The following ZFAT variants were observed in gnomAD, a reference collection of about 807,000 sequenced individuals.
ZFAT encodes the protein zinc finger and AT-hook domain containing, also known as zinc finger protein ZFAT.
A neutral mutation model predicts 117.7 loss-of-function variants in ZFAT; 64 were observed. That is an observed-to-expected ratio of 0.54 (90% CI 0.44 to 0.67). The LOEUF is 0.67. Ranked by LOEUF, ZFAT falls within the 30% of genes least tolerant of loss-of-function variation. The pLI is 0.00. For missense variants in ZFAT, 1,433 were observed against 1,584.5 expected, an observed-to-expected ratio of 0.90 and a Z score of 1.62; for synonymous variants, 679 against 615.0, an observed-to-expected ratio of 1.10 and a Z score of -1.54.
Position 134,610,747 on chromosome 8 carries a change from G to A in ZFAT, c.449-92C>T. ...ACTACTCTTTCACGGGACAGTAAAG[G>A]AAACACAGCTCTTTGGTCTGCAGTG... On this transcript the variant is annotated intron_variant, in intron 3 of 15. Coordinates refer to ENST00000377838, the MANE Select transcript of ZFAT (RefSeq NM_020863.4). 9 of 1,453,832 alleles carry A rather than the reference G, an allele frequency of 6.2e-6. No individual in the cohort carries two copies. The South Asian group carries it at 9.3e-5, about 15-fold the overall frequency. The allele number at this position is 1,453,832 out of a possible 1,614,324, so 90.1% of individuals were successfully genotyped here.
At chr8:134,593,301 G>A (rs891730264) in intron 7 of ZFAT, among the ~76,000 whole-genome samples, 1 of 149,826 alleles carries the variant, frequency 6.7e-6, no homozygotes, top group African/African-American at 2.4e-5. Context: ...CTTATTTTTT[G>A]ATGCCTTTGA....
chr8:134,680,427 A>G (rs898847404), intron 1 of ZFAT, among the ~76,000 whole-genome samples: 1 of 152,202 alleles, frequency 6.6e-6, no homozygotes, highest in Non-Finnish European at 1.5e-5. Flanking sequence ...TACAATTTTC[A>G]GTACAAATAA....
intron 2 of ZFAT, among the ~76,000 whole-genome samples, chr8:134,649,160 A>G (rs1044804730): frequency 1.0e-5 from 1 of 100,408 alleles, no homozygotes; most frequent in African/African-American, 5.1e-5. Context: ...AAGAACATCT[A>G]TCTCTCACAC....
At chr8:134,627,140 A>G (rs565028928) in intron 3 of ZFAT, among the ~76,000 whole-genome samples, 1 of 152,288 alleles carries the variant, frequency 6.6e-6, no homozygotes, top group Admixed American at 6.5e-5. Context: ...AGGGAAAGCC[A>G]CGGGAGGCCC....
At chr8:134,817,869 C>A in the ZFAT span, among the ~76,000 whole-genome samples, 1 of 152,236 alleles carries the variant, frequency 6.6e-6, no homozygotes, top group East Asian at 1.9e-4. Context: ...AATAGAACTA[C>A]TACATATATA....
chr8:134,543,276 C>G (rs373576544), intron 11 of ZFAT, among the ~76,000 whole-genome samples: 5 of 150,602 alleles, frequency 3.3e-5, no homozygotes, highest in African/African-American at 1.2e-4. Context: ...GATAGTCAGC[C>G]GGGCACATGC....
chr8:134,697,488 G>A (rs1463671959), intron 1 of ZFAT, among the ~76,000 whole-genome samples: 3 of 149,440 alleles, frequency 2.0e-5, no homozygotes. Flanking sequence ...AGCACTTTGG[G>A]AGGCCGAGGT....
the ZFAT span, among the ~76,000 whole-genome samples, chr8:134,787,598 C>T: frequency 6.6e-6 from 1 of 152,192 alleles, no homozygotes. Flanking sequence ...CTTTTATAAT[C>T]ACAGGTCTTA....
chr8:134,528,071 G>T (rs139010996), intron 12 of ZFAT, among the ~76,000 whole-genome samples: 1 of 150,688 alleles, frequency 6.6e-6, no homozygotes, highest in Non-Finnish European at 1.5e-5. Context: ...AGATGACCAC[G>T]CCTCTTCCTT....
chr8:134,653,270 T>TAAAAAAAAAA (rs374514584), intron 2 of ZFAT, among the ~76,000 whole-genome samples: 2 of 91,888 alleles, frequency 2.2e-5, no homozygotes, highest in Admixed American at 1.2e-4. Flanking sequence ...ATGTCTTTTT[T>TAAAAAAAAAA]AAAAAAAAAA....
chr8:134,713,936 CAGTT>C (rs760615796), upstream of ZFAT, among the ~76,000 whole-genome samples: 19 of 152,116 alleles, frequency 1.2e-4, no homozygotes, highest in South Asian at 4.1e-4. Flanking sequence ...CTGAGCCTGA[CAGTT>C]ATTTATTTCA....
intron 1 of ZFAT, among the ~76,000 whole-genome samples, chr8:134,710,987 G>A (rs1483788190): frequency 2.0e-5 from 3 of 152,160 alleles, no homozygotes; most frequent in Non-Finnish European, 2.9e-5. Flanking sequence ...GTACCTAAGC[G>A]GCACAGCAGC....
chr8:134,702,160 G>A (rs1834026890), intron 1 of ZFAT, among the ~76,000 whole-genome samples: 1 of 152,128 alleles, frequency 6.6e-6, no homozygotes, highest in Admixed American at 6.5e-5. Context: ...CTTGACCTTG[G>A]CCTTCTCAGC....
chr8:134,792,033 T>G, the ZFAT span: 1 of 152,194 alleles, frequency 6.6e-6, no homozygotes, highest in African/African-American at 2.4e-5. Context: ...AGAAAATGTT[T>G]ATTTAGCAAA....
the ZFAT span, among the ~76,000 whole-genome samples, chr8:134,742,487 T>A: frequency 1.3e-5 from 2 of 152,156 alleles, no homozygotes; most frequent in Non-Finnish European, 2.9e-5. Context: ...CGGGGTTCAA[T>A]CTGGCCACAT....
chr8:134,674,447 G>A (rs1329056558), intron 1 of ZFAT, among the ~76,000 whole-genome samples: 2 of 152,170 alleles, frequency 1.3e-5, no homozygotes, highest in Non-Finnish European at 2.9e-5. Flanking sequence ...GCCTGAGTAG[G>A]CGGTTTTACC....
chr8:134,782,738 T>C, the ZFAT span, among the ~76,000 whole-genome samples: 213 of 152,232 alleles, frequency 1.4e-3, 3 homozygotes, highest in Middle Eastern at 6.8e-3. Flanking sequence ...CTGCCATGAT[T>C]ATGAGGCCTC....
At chr8:134,611,296 A>G (rs1283556429) in intron 3 of ZFAT, among the ~76,000 whole-genome samples, 2 of 152,272 alleles carry the variant, frequency 1.3e-5, no homozygotes, top group Non-Finnish European at 2.9e-5. Context: ...AGCAATGGTC[A>G]GGAAATACAG....
Position 134,651,910 on chromosome 8 carries a change from G to A in ZFAT, c.196+5651C>T, listed in dbSNP as rs1252771244. ...AGCACTTAAAGTCAGATTGACAGCTGGCATCCTAACAACAATAAAAGCCAG... is the reference window on the plus strand; with the variant it reads ...AGCACTTAAAGTCAGATTGACAGCTAGCATCCTAACAACAATAAAAGCCAG... On this transcript the variant is annotated intron_variant, in intron 2 of 15. Transcript: ENST00000377838. Among the ~76,000 whole-genome samples, 4 of 152,036 alleles carry A rather than the reference G, an allele frequency of 2.6e-5. No individual in the cohort carries two copies. In the East Asian group the frequency reaches 7.7e-4, roughly 29 times the overall value.
Sources: allele counts gnomAD v4.1 joint callset (sites outside exome capture counted in the v4.1 genomes callset), GRCh38; gene constraint gnomAD v4.1.1; transcripts MANE v1.5; gene names NCBI Gene and HGNC (gene_info 2026-07-23, HGNC 2026-07-21).